Variants in PGLYRP4 observed in about 807,000 individuals in gnomAD.
PGLYRP4 encodes peptidoglycan recognition protein 4, also known as PGRP-I-beta.
A neutral mutation model predicts 41.2 loss-of-function variants in PGLYRP4; 39 were observed. That is an observed-to-expected ratio of 0.95 (90% confidence interval 0.73 to 1.24). The LOEUF (loss-of-function observed/expected upper bound fraction) is 1.24. Among genes scored for constraint, PGLYRP4 ranks in the 50% most tolerant of loss-of-function variants. PGLYRP4 has a pLI of 0.00. For missense variants in PGLYRP4, 467 were observed against 460.7 expected, an observed-to-expected ratio of 1.01 and a Z score of -0.13; for synonymous variants, 202 against 186.8, an observed-to-expected ratio of 1.08 and a Z score of -0.66.
chr1:153,340,820 C>T (rs1265173037), intron 6 of PGLYRP4, among the ~76,000 whole-genome samples: 1 of 152,122 alleles, frequency 6.6e-6, no homozygotes, highest in African/African-American at 2.4e-5. Flanking sequence ...CCATGAAACT[C>T]TCTGTCAATG....
Position 153,345,432 on chromosome 1 carries a change from G to A in PGLYRP4, c.140-50C>T, listed in dbSNP as rs141673787. 4.9e-4 allele frequency: 752 copies of A among 1,529,250 alleles called. 4 individuals carry two copies. The East Asian group carries it at 0.015, about 30-fold the overall frequency. The allele number at this position is 1,529,250 out of a possible 1,614,324, so 94.7% of individuals were successfully genotyped here. On this transcript the variant is annotated intron_variant, in intron 3 of 8. Coordinates refer to ENST00000359650, the MANE Select transcript of PGLYRP4 (RefSeq NM_020393.4). ...TGCCCCATCACTACCGCATTAGCCC[G>A]CCAAGCTGAACATGCAGGCATGGGC...
intron 2 of PGLYRP4, among the ~76,000 whole-genome samples, chr1:153,347,456 A>G (rs1661064420): frequency 6.6e-6 from 1 of 151,196 alleles, no homozygotes; most frequent in Non-Finnish European, 1.5e-5. Context: ...TACAACCTCC[A>G]TCTCCTGGCT....
At chr1:153,347,331 G>A (rs1006485807) in intron 2 of PGLYRP4, among the ~76,000 whole-genome samples, 16 of 151,146 alleles carry the variant, frequency 1.1e-4, no homozygotes, top group African/African-American at 3.7e-4. Flanking sequence ...GAGCAACTGC[G>A]CCCGGCCAAG....
intron 1 of PGLYRP4, 79 bp from the exon 2 acceptor site, chr1:153,348,057 C>A: frequency 1.3e-6 from 1 of 746,746 alleles, no homozygotes; most frequent in Non-Finnish European, 2.3e-6. Flanking sequence ...CAGTGGGTGC[C>A]ATCTGCCTCC....
In PGLYRP4 at chr1:153,337,263, C is replaced by T. The variant is rs780539903; in HGVS notation, c.861G>A (p.Gly287=). The change falls in exon 8 of 9, where the codon GGG becomes GGA. Residue 287 remains glycine (G), a synonymous_variant. Transcript: ENST00000359650. The part of the protein sequence containing the change: ...LVGQDGAIYE[G]VGWNVQGSST... ...AGGAGCCTTGGACATTCCAGCCCAC[C>T]CCTTCATAAATGGCGCCATCCTGGC... The T allele has an allele frequency of 1.2e-6, 2 of 1,612,692 alleles. No individual in the cohort carries two copies. Among genetic ancestry groups the T allele is most frequent in the East Asian group, 4.5e-5 (2 of 44,836 alleles).
At chr1:153,345,431 C>A in intron 3 of PGLYRP4, 49 bp from the exon 4 acceptor site, 2 of 1,538,948 alleles carry the variant, frequency 1.3e-6, no homozygotes, top group South Asian at 1.1e-5. Flanking sequence ...CGCATTAGCC[C>A]GCCAAGCTGA....
intron 5 of PGLYRP4, among the ~76,000 whole-genome samples, chr1:153,342,075 G>T (rs538387362): frequency 6.6e-6 from 1 of 152,176 alleles, no homozygotes; most frequent in African/African-American, 2.4e-5. Flanking sequence ...CCAGGCCAGG[G>T]TTTCCCATCA....
intron 8 of PGLYRP4, among the ~76,000 whole-genome samples, chr1:153,332,130 T>C (rs949594382): frequency 6.6e-6 from 1 of 152,022 alleles, no homozygotes; most frequent in East Asian, 1.9e-4. Context: ...AGATATTTCA[T>C]GTAAATGGAA....
Position 153,345,218 on chromosome 1 carries a change from G to C in PGLYRP4, c.304C>G (p.Leu102Val), listed in dbSNP as rs771072051. ...TTGTTGTGGACATGATGGGCCTGCA[G>C]TTCCCGCAGTCTCTGGCTGCAGACT... The part of the protein sequence containing the change: ...QTVCSQRLRE[L>V]QAHHVHNNSG... Residue 102 changes from leucine to valine, a missense_variant, in exon 4 of 9, where the codon CTG becomes GTG. Leu to Val is a conservative substitution (Grantham distance 32). Coordinates refer to ENST00000359650, the MANE Select transcript of PGLYRP4 (RefSeq NM_020393.4). 1.2e-6 allele frequency: 2 copies of C among 1,613,982 alleles called. No homozygotes were observed. The highest frequency in any genetic ancestry group is 1.1e-5 in the South Asian group (1 of 91,084).
At chr1:153,343,033 C>T in intron 5 of PGLYRP4, 57 bp downstream of exon 5, 4 of 1,043,218 alleles carry the variant, frequency 3.8e-6, no homozygotes, top group Non-Finnish European at 6.0e-6. Context: ...ATGAAGTGGC[C>T]CCTGAGACAA....
chr1:153,347,789 G>T, intron 2 of PGLYRP4, 95 bp downstream of exon 2: 1 of 915,274 alleles, frequency 1.1e-6, no homozygotes, highest in Non-Finnish European at 1.8e-6. Flanking sequence ...GAACTCCTCA[G>T]GCTCAGATGG....
intron 2 of PGLYRP4, 122 bp downstream of exon 2, chr1:153,347,762 C>G: frequency 1.4e-6 from 1 of 724,418 alleles, no homozygotes; most frequent in South Asian, 1.5e-5. Context: ...GGTGGGATCT[C>G]GGCTCACTGC....
chr1:153,346,474 C>CG (rs1553198829), intron 2 of PGLYRP4, among the ~76,000 whole-genome samples: 1,500 of 86,286 alleles, frequency 0.017, 36 homozygotes, highest in African/African-American at 0.073. Flanking sequence ...ACACAATTGG[C>CG]GGGGAAAAAA....
chr1:153,345,061 A>G (rs930618287), intron 4 of PGLYRP4, 108 bp downstream of exon 4: 89 of 809,644 alleles, frequency 1.1e-4, no homozygotes, highest in Middle Eastern at 3.7e-4. Context: ...TATAAAACAT[A>G]TAGGACCACA....
chr1:153,339,460 A>G (rs921053223), intron 7 of PGLYRP4, among the ~76,000 whole-genome samples: 3 of 152,230 alleles, frequency 2.0e-5, no homozygotes, highest in African/African-American at 7.2e-5. Context: ...TTCATCGCTA[A>G]GCCATAAATG....
Position 153,340,595 on chromosome 1 carries a change from A to C in PGLYRP4, c.626-16T>G, listed in dbSNP as rs141738509. ...CCGGGGCAAGCTGAGGTGGGGCGAG[A>C]AACCACAGAGGGTTCATCTTCCCCA... On this transcript the variant is annotated splice_polypyrimidine_tract_variant and intron_variant, in intron 6 of 8. Transcript: ENST00000359650. 32,469 of 1,612,050 alleles carry C rather than the reference A, an allele frequency of 0.02. 423 individuals are homozygous for C. The highest frequency in any genetic ancestry group is 0.033 in the South Asian group (3,024 of 91,020).
chr1:153,347,665 C>T (rs1661074829), intron 2 of PGLYRP4, among the ~76,000 whole-genome samples: 1 of 152,002 alleles, frequency 6.6e-6, no homozygotes, highest in South Asian at 2.1e-4. Flanking sequence ...AGCCACCACC[C>T]CTGGCCAAGA....
In PGLYRP4 at chr1:153,346,182, G is replaced by A; in HGVS notation, c.59C>T (p.Ser20Phe). Reference protein sequence around the residue: ...ALGIQAWGDSSWNKTQAKQVS... With the variant: ...ALGIQAWGDSFWNKTQAKQVS... ...CTGTTTAGCTTGTGTTTTGTTCCAGGAGGAATCACCTGCAAAGGAATATCC... is the reference window on the plus strand; with the variant it reads ...CTGTTTAGCTTGTGTTTTGTTCCAGAAGGAATCACCTGCAAAGGAATATCC... The change falls in exon 3 of 9, where the codon TCC becomes TTC. Residue 20 changes from serine (S) to phenylalanine (F), a missense_variant. Transcript: ENST00000359650. 1.2e-6 allele frequency: 2 copies of A among 1,613,448 alleles called. No individual in the cohort carries two copies. The highest frequency in any genetic ancestry group is 1.7e-6 in the Non-Finnish European group (2 of 1,179,380).
chr1:153,340,511 GGA>G lies in PGLYRP4; in HGVS notation c.692_693del (p.Leu231ProfsTer19). 2 of 1,614,158 alleles carry G rather than the reference GGA, an allele frequency of 1.2e-6. No individual in the cohort carries two copies. The highest frequency in any genetic ancestry group is 2.2e-5 in the South Asian group (2 of 91,086). ...TGGATAATGATGCCATACTTCGCTG[GGA>G]GAGTCATCCTGGGACAGTGGGTCTC... ...ARETHCPRMT[L>X]PAKYGIIIHT... On this transcript the variant is annotated frameshift_variant, in exon 7 of 9. Coordinates refer to ENST00000359650, the MANE Select transcript of PGLYRP4 (RefSeq NM_020393.4). LOFTEE classifies it high-confidence loss of function.
Sources: gnomAD v4.1 joint callset for allele counts (sites outside exome capture counted in the v4.1 genomes callset) on GRCh38, gnomAD v4.1.1 for gene constraint, MANE v1.5 for transcripts, NCBI Gene and HGNC (gene_info 2026-07-23, HGNC 2026-07-21) for gene names.